Variants in ANO4 observed in about 807,000 individuals in gnomAD.
ANO4 encodes the protein anoctamin 4, also known as anoctamin-4.
ANO4 carries 69 observed loss-of-function variants against 141.9 expected under a neutral mutation model. The ratio of observed to expected loss-of-function variants is 0.49; its 90% CI spans 0.40 to 0.59. ANO4 has a LOEUF of 0.59. Among genes scored for constraint, ANO4 ranks in the 20% least tolerant of loss-of-function variants. ANO4 has a pLI of 0.00. For missense variants in ANO4, 894 were observed against 1,162.2 expected (o/e 0.77, Z 3.36); for synonymous variants, 350 against 394.3 (o/e 0.89, Z 1.33).
chr12:100,994,930 T>C (rs1226633627), intron 8 of ANO4, among the ~76,000 whole-genome samples: 10 of 152,134 alleles, frequency 6.6e-5, no homozygotes, highest in African/African-American at 2.4e-4. Flanking sequence ...GGAGTGGAGA[T>C]TGCGACTAGT....
chr12:100,853,366 A>G (rs1298483896), intron 1 of ANO4, among the ~76,000 whole-genome samples: 14 of 152,124 alleles, frequency 9.2e-5, no homozygotes, highest in Non-Finnish European at 1.5e-5. Flanking sequence ...TCCTTACTCC[A>G]ACTTCATGAA....
At chr12:100,910,230 T>A (rs1191835964) in intron 2 of ANO4, among the ~76,000 whole-genome samples, 2 of 152,108 alleles carry the variant, frequency 1.3e-5, no homozygotes, top group African/African-American at 4.8e-5. Flanking sequence ...AATAAAGAAA[T>A]CATTTTTCTT....
intron 1 of ANO4, among the ~76,000 whole-genome samples, chr12:100,853,692 C>T (rs1039538577): frequency 1.1e-4 from 16 of 152,132 alleles, no homozygotes; most frequent in African/African-American, 2.9e-4. Flanking sequence ...TTACAGCATA[C>T]TTCCGTGACC....
chr12:100,889,149 C>G (rs146224564), intron 1 of ANO4, among the ~76,000 whole-genome samples: 6,845 of 150,686 alleles, frequency 0.045, 521 homozygotes, highest in African/African-American at 0.16. Flanking sequence ...TTTGTCCTTG[C>G]GATAGTTTAC....
chr12:101,005,147 A>G (rs2045820366), intron 8 of ANO4, among the ~76,000 whole-genome samples: 1 of 152,234 alleles, frequency 6.6e-6, no homozygotes, highest in African/African-American at 2.4e-5. Flanking sequence ...TTATGCAGGG[A>G]CAATTGCCTA....
intron 1 of ANO4, among the ~76,000 whole-genome samples, chr12:100,854,565 T>C (rs1430946048): frequency 6.6e-6 from 1 of 152,146 alleles, no homozygotes; most frequent in East Asian, 1.9e-4. Context: ...TTCTCCATGC[T>C]GCATTCTGCA....
chr12:100,822,596 A>G lies in ANO4; in HGVS notation c.-141+27569A>G, dbSNP rs926222301. ...GGCAAATTTTTTCCAAAGAAATCCA[A>G]AACAATAGGTAAAGAGGATGGAAAA... On this transcript the variant is annotated intron_variant, in intron 1 of 27. Coordinates refer to ENST00000392977, the MANE Select transcript of ANO4 (RefSeq NM_001286615.2). 7.2e-5 allele frequency among the ~76,000 whole-genome samples: 11 copies of G among 152,146 alleles called. 1 individual carries two copies. Among genetic ancestry groups the G allele is most frequent in the Middle Eastern group, 3.4e-3 (1 of 294 alleles).
At chr12:100,938,731 C>T (rs890970751) in intron 3 of ANO4, among the ~76,000 whole-genome samples, 66 of 152,212 alleles carry the variant, frequency 4.3e-4, no homozygotes, top group African/African-American at 1.6e-3. Context: ...CTGAATGGCT[C>T]ACTTCATTAT....
intron 14 of ANO4, among the ~76,000 whole-genome samples, chr12:101,057,981 T>C (rs1212722825): frequency 2.0e-5 from 3 of 152,208 alleles, no homozygotes; most frequent in East Asian, 3.8e-4. Flanking sequence ...TCCTCTAGGA[T>C]TTTTATGGTT....
At chr12:100,954,562 A>C (rs1412444257) in intron 5 of ANO4, among the ~76,000 whole-genome samples, 1 of 152,196 alleles carries the variant, frequency 6.6e-6, no homozygotes, top group Non-Finnish European at 1.5e-5. Flanking sequence ...TCAGCAATGC[A>C]GAGGACTCAG....
At chr12:100,785,200 A>G (rs2033833492) in intron 3 of ANO4, among the ~76,000 whole-genome samples, 1 of 152,116 alleles carries the variant, frequency 6.6e-6, no homozygotes, top group South Asian at 2.1e-4. Context: ...CATCCCCCAC[A>G]AGGTTAGTAT....
chr12:101,086,885 T>C, intron 17 of ANO4, 61 bp downstream of exon 17: 1 of 1,571,282 alleles, frequency 6.4e-7, no homozygotes, highest in South Asian at 1.2e-5. Context: ...AGTGACAGTT[T>C]TCTTCTGTTG....
chr12:100,770,526 G>C (rs745469993), intron 3 of ANO4, among the ~76,000 whole-genome samples: 5 of 152,166 alleles, frequency 3.3e-5, no homozygotes, highest in Non-Finnish European at 5.9e-5. Flanking sequence ...AATGGGAAAA[G>C]GTTATAGAAA....
chr12:101,115,860 A>G (rs1043360074), intron 24 of ANO4, among the ~76,000 whole-genome samples: 4 of 152,184 alleles, frequency 2.6e-5, no homozygotes, highest in African/African-American at 9.6e-5. Context: ...TCGATTCAAT[A>G]TTTATGGGAT....
intron 5 of ANO4, 77 bp downstream of exon 5, chr12:100,942,612 A>C: frequency 6.9e-7 from 1 of 1,444,088 alleles, no homozygotes; most frequent in Non-Finnish European, 9.3e-7. Context: ...ATAAGCAAGC[A>C]GTCTTAATGT....
At chr12:100,768,425 T>C (rs1203438252) in intron 3 of ANO4, among the ~76,000 whole-genome samples, 1 of 152,242 alleles carries the variant, frequency 6.6e-6, no homozygotes, top group African/African-American at 2.4e-5. Context: ...GGTATTTTTA[T>C]GTGTGAATAA....
intron 13 of ANO4, among the ~76,000 whole-genome samples, chr12:101,046,585 T>TGTTA (rs2047641289): frequency 6.6e-6 from 1 of 152,232 alleles, no homozygotes; most frequent in Non-Finnish European, 1.5e-5. Flanking sequence ...TTTTGTGTTT[T>TGTTA]GTTAGTTCCT....
At chr12:100,919,445 C>T (rs1232174326) in intron 2 of ANO4, among the ~76,000 whole-genome samples, 6 of 151,972 alleles carry the variant, frequency 3.9e-5, no homozygotes, top group Non-Finnish European at 1.5e-5. Context: ...ATTCAAATAC[C>T]ATTGTATTAC....
chr12:100,768,866 T>G (rs905719826), intron 3 of ANO4, among the ~76,000 whole-genome samples: 3 of 152,214 alleles, frequency 2.0e-5, no homozygotes, highest in Non-Finnish European at 4.4e-5. Context: ...GAATTAAGTT[T>G]GGCATCACAA....
Sources: gnomAD v4.1 joint callset for allele counts (sites outside exome capture counted in the v4.1 genomes callset) on GRCh38, gnomAD v4.1.1 for gene constraint, MANE v1.5 for transcripts, NCBI Gene and HGNC (gene_info 2026-07-23, HGNC 2026-07-21) for gene names.